The following TLE1 variants were observed in gnomAD, a reference collection of about 807,000 sequenced individuals.
TLE1 encodes TLE family member 1, transcriptional corepressor.
Under a neutral mutation model 89.8 loss-of-function variants are expected in TLE1, and 21 were observed. The ratio of observed to expected loss-of-function variants is 0.23; its 90% CI spans 0.17 to 0.34. The LOEUF (loss-of-function observed/expected upper bound fraction) is 0.34. Ranked by LOEUF, TLE1 falls within the 10% of genes least tolerant of loss-of-function variation. TLE1 has a pLI of 1.00. For missense variants in TLE1, 795 were observed against 1,031.2 expected, an observed-to-expected ratio of 0.77 and a Z score of 3.14; for synonymous variants, 447 against 407.6, an observed-to-expected ratio of 1.10 and a Z score of -1.16.
intron 4 of TLE1, among the ~76,000 whole-genome samples, chr9:81,667,141 G>A (rs1564056923): frequency 6.6e-6 from 1 of 151,878 alleles, no homozygotes; most frequent in South Asian, 2.1e-4. Flanking sequence ...AGCCGGGCAC[G>A]GTGGCTCACA....
In TLE1 at chr9:81,624,559, G is replaced by GA. The variant is rs1409315123; in HGVS notation, c.595-4003dup. On this transcript the variant is annotated intron_variant, in intron 8 of 19. Coordinates refer to ENST00000376499, the MANE Select transcript of TLE1 (RefSeq NM_005077.5). ...ATTTGCCAAATAAATATTTAATCGA[G>GA]AATCAGCTTTTTGATCAACATGAGA... 5.9e-5 allele frequency among the ~76,000 whole-genome samples: 9 copies of GA among 152,238 alleles called. No individual in the cohort carries two copies. In the East Asian group the frequency reaches 1.5e-3, roughly 26 times the overall value.
Position 81,633,345 on chromosome 9 carries a change from T to C in TLE1, c.594+3A>G, listed in dbSNP as rs899219655. 1.2e-6 allele frequency: 2 copies of C among 1,611,482 alleles called. No homozygotes were observed. The highest frequency in any genetic ancestry group is 1.7e-6 in the Non-Finnish European group (2 of 1,178,956). On this transcript the variant is annotated splice_donor_region_variant and intron_variant, in intron 8 of 19. Coordinates refer to ENST00000376499, the MANE Select transcript of TLE1 (RefSeq NM_005077.5). ...TGTGTGCAGCAGGCGTTTGAGTACT[T>C]ACTGTGCCCGGCTCTCTGTCTGCTC... is the stretch of plus-strand genomic sequence containing the variant.
At chr9:81,598,279 G>A (rs752039788) in intron 14 of TLE1, among the ~76,000 whole-genome samples, 1 of 152,048 alleles carries the variant, frequency 6.6e-6, no homozygotes, top group Non-Finnish European at 1.5e-5. Flanking sequence ...AATATCACAT[G>A]CTGTCACATC....
intron 13 of TLE1, among the ~76,000 whole-genome samples, chr9:81,610,532 T>G (rs1587952157): frequency 6.6e-6 from 1 of 152,312 alleles, no homozygotes; most frequent in African/African-American, 2.4e-5. Context: ...ATTTGTGCAC[T>G]GAGAACCACT....
intron 14 of TLE1, among the ~76,000 whole-genome samples, chr9:81,596,377 A>G (rs1830214687): frequency 6.6e-6 from 1 of 152,144 alleles, no homozygotes; most frequent in Non-Finnish European, 1.5e-5. Flanking sequence ...TGGAGAGCCA[A>G]ATCAAATGAA....
chr9:81,594,543 TA>T (rs35168314), intron 14 of TLE1, among the ~76,000 whole-genome samples: 27,524 of 145,654 alleles, frequency 0.19, 2,906 homozygotes, highest in Middle Eastern at 0.35. Context: ...GACTACGTCT[TA>T]AAAAAAAAAA....
chr9:81,615,662 G>C, intron 11 of TLE1, among the ~76,000 whole-genome samples: 1 of 148,264 alleles, frequency 6.7e-6, no homozygotes, highest in South Asian at 2.1e-4. Context: ...GCAGTGAGCT[G>C]AGACTGCACC....
chr9:81,612,887 G>A (rs530692208), intron 12 of TLE1, among the ~76,000 whole-genome samples: 36 of 152,228 alleles, frequency 2.4e-4, no homozygotes, highest in South Asian at 6.2e-4. Context: ...GTGAAACCCC[G>A]TCTCTACTAA....
chr9:81,593,329 T>A, intron 14 of TLE1, 55 bp from the exon 15 acceptor site: 2 of 1,540,246 alleles, frequency 1.3e-6, no homozygotes, highest in Non-Finnish European at 1.8e-6. Flanking sequence ...GAGGAAGCAA[T>A]CCCTATCTCG....
chr9:81,683,741 C>A lies in TLE1; in HGVS notation c.234+1935G>T, dbSNP rs190611228. On this transcript the variant is annotated intron_variant, in intron 4 of 19. Coordinates refer to ENST00000376499, the MANE Select transcript of TLE1 (RefSeq NM_005077.5). ...GAACATGGTGTCTCTCAGCTTTTCA[C>A]GTTTTTCAAATTGCTAAGCCAATTA... Among the ~76,000 whole-genome samples the A allele has an allele frequency of 2.2e-4, 34 of 152,232 alleles. No homozygotes were observed. The South Asian group carries it at 6.4e-3, about 29-fold the overall frequency.
intron 4 of TLE1, among the ~76,000 whole-genome samples, chr9:81,658,928 T>C (rs528807407): frequency 4.4e-4 from 67 of 152,122 alleles, no homozygotes; most frequent in African/African-American, 1.4e-3. Flanking sequence ...ATTTTTTTTT[T>C]AGATGGAGTC....
chr9:81,592,022 G>C (rs2796469), intron 15 of TLE1, among the ~76,000 whole-genome samples: 39,771 of 152,112 alleles, frequency 0.26, 5,824 homozygotes, highest in Middle Eastern at 0.48. Flanking sequence ...GTCTGCTTAA[G>C]GCCAGTGGTA....
At chr9:81,593,342 A>C (rs1051481444) in intron 14 of TLE1, 68 bp from the exon 15 acceptor site, 225 of 1,512,882 alleles carry the variant, frequency 1.5e-4, no homozygotes, top group Non-Finnish European at 1.9e-4. Context: ...CTATCTCGGC[A>C]ATGTGCTACG....
Position 81,611,857 on chromosome 9 carries a change from G to C in TLE1, c.1166C>G (p.Ala389Gly), listed in dbSNP as rs1219591140. 2 of 1,562,172 alleles carry C rather than the reference G, an allele frequency of 1.3e-6. No individual in the cohort carries two copies. Among genetic ancestry groups the C allele is most frequent in the Non-Finnish European group, 1.7e-6 (2 of 1,158,042 alleles). ...GMNGELTSPGAAYASLHNMSP... is the reference protein window; with the variant it reads ...GMNGELTSPGGAYASLHNMSP... ...CATGTTGTGTAAACTGGCGTAGGCA[G>C]CGCCTGGGCTGGTCAGCTCGCCGTT... is the stretch of plus-strand genomic sequence containing the variant. The change falls in exon 13 of 20, where the codon GCT (alanine) becomes GGT (glycine). Residue 389 changes from alanine to glycine, a missense_variant. Around this residue, in one of 4 missense-constraint regions of TLE1, gnomAD observed 468 missense variants for 509.1 expected, o/e 0.92. Coordinates refer to ENST00000376499, the MANE Select transcript of TLE1 (RefSeq NM_005077.5).
intron 4 of TLE1, among the ~76,000 whole-genome samples, chr9:81,670,956 G>T (rs1386716096): frequency 6.6e-6 from 1 of 151,700 alleles, no homozygotes; most frequent in Non-Finnish European, 1.5e-5. Flanking sequence ...ATCACCTGAG[G>T]TCAGGAGTTC....
chr9:81,631,142 C>CTTATAGA (rs1826544168), intron 8 of TLE1, among the ~76,000 whole-genome samples: 6 of 152,204 alleles, frequency 3.9e-5, no homozygotes, highest in Admixed American at 3.3e-4. Context: ...TGACTGCTAA[C>CTTATAGA]CCTAACTTAT....
chr9:81,662,540 CA>C (rs535285375), intron 4 of TLE1, among the ~76,000 whole-genome samples: 6 of 151,104 alleles, frequency 4.0e-5, no homozygotes, highest in South Asian at 2.1e-4. Flanking sequence ...ACTAAAAATA[CA>C]AAAAAAATTA....
At chr9:81,682,868 T>C (rs1161996759) in intron 4 of TLE1, among the ~76,000 whole-genome samples, 1 of 152,184 alleles carries the variant, frequency 6.6e-6, no homozygotes, top group African/African-American at 2.4e-5. Flanking sequence ...AGTGCTACCA[T>C]GAAAGACTTA....
chr9:81,613,777 T>C (rs940782728), intron 11 of TLE1, among the ~76,000 whole-genome samples: 1 of 152,162 alleles, frequency 6.6e-6, no homozygotes, highest in Non-Finnish European at 1.5e-5. Context: ...ATTTTAAAAG[T>C]ATTTTCCATC....
Sources: gnomAD v4.1 joint callset for allele counts (sites outside exome capture counted in the v4.1 genomes callset) on GRCh38, gnomAD v4.1.1 for gene constraint, gnomAD v4.1.1 regional missense constraint, MANE v1.5 for transcripts, NCBI Gene and HGNC (gene_info 2026-07-23, HGNC 2026-07-21) for gene names.